JARID2: variants seen among roughly 807,000 people sequenced by gnomAD.
JARID2 encodes jumonji and AT-rich interaction domain containing 2.
Under a neutral mutation model 125.6 loss-of-function variants are expected in JARID2, and 21 were observed. The ratio of observed to expected loss-of-function variants is 0.17; its 90% CI spans 0.12 to 0.24. The LOEUF (loss-of-function observed/expected upper bound fraction) is 0.24. JARID2 is among the 10% of genes least tolerant of loss of function. JARID2 has a pLI of 1.00. For synonymous variants in JARID2, 736 were observed against 661.6 expected (o/e 1.11, Z -1.73); for missense variants, 1,303 against 1,639.6 (o/e 0.79, Z 3.55).
intron 2 of JARID2, among the ~76,000 whole-genome samples, chr6:15,375,511 TCTA>T (rs1764319525): frequency 6.6e-6 from 1 of 152,218 alleles, no homozygotes; most frequent in African/African-American, 2.4e-5. Context: ...AGTTGTGGAA[TCTA>T]TTGCCATAGA....
chr6:15,286,936 C>T (rs1310493872), intron 1 of JARID2, among the ~76,000 whole-genome samples: 2 of 150,178 alleles, frequency 1.3e-5, no homozygotes, highest in East Asian at 2.0e-4. Flanking sequence ...CTGCCTCTTT[C>T]CCATTGTCAG....
intron 1 of JARID2, among the ~76,000 whole-genome samples, chr6:15,313,533 G>C (rs534600748): frequency 6.6e-6 from 1 of 152,286 alleles, no homozygotes; most frequent in South Asian, 2.1e-4. Flanking sequence ...ACACTGAGCC[G>C]AGCCAGGGTT....
At chr6:15,344,037 G>A (rs1435960136) in intron 1 of JARID2, among the ~76,000 whole-genome samples, 2 of 149,878 alleles carry the variant, frequency 1.3e-5, no homozygotes, top group African/African-American at 4.9e-5. Flanking sequence ...ACAGGGCGTT[G>A]AATGCAAAAT....
In JARID2 at chr6:15,512,642, G is replaced by A. The variant is rs571959199; in HGVS notation, c.3135+252G>A. The stretch of plus-strand genomic sequence containing the variant: ...ACCCCTCCAGTATTGGAAAACTGTT[G>A]AAGATGCTCAAGGTAATTGCTTAGA... On this transcript the variant is annotated intron_variant, in intron 14 of 17. Transcript: ENST00000341776. Among the ~76,000 whole-genome samples, 16 of 152,252 alleles carry A rather than the reference G, an allele frequency of 1.1e-4. 1 individual carries two copies. The highest frequency in any genetic ancestry group is 3.4e-4 in the African/African-American group (14 of 41,556).
chr6:15,313,061 G>A (rs1235486950), intron 1 of JARID2, among the ~76,000 whole-genome samples: 1 of 152,200 alleles, frequency 6.6e-6, no homozygotes, highest in East Asian at 1.9e-4. Flanking sequence ...TTCCGTTTAT[G>A]TTGCTTGTTT....
chr6:15,483,108 A>C (rs1277239509), intron 5 of JARID2, among the ~76,000 whole-genome samples: 1 of 152,246 alleles, frequency 6.6e-6, no homozygotes, highest in Non-Finnish European at 1.5e-5. Flanking sequence ...AAAATCTAGT[A>C]ACTAAGTAAA....
chr6:15,304,308 C>G (rs1007018241), intron 1 of JARID2, among the ~76,000 whole-genome samples: 4 of 66,304 alleles, frequency 6.0e-5, no homozygotes, highest in African/African-American at 1.2e-4. Flanking sequence ...GCTGATCCCC[C>G]CCCCCCCCCC....
chr6:15,256,161 C>T (rs1240766850), intron 1 of JARID2, among the ~76,000 whole-genome samples: 1 of 152,214 alleles, frequency 6.6e-6, no homozygotes, highest in East Asian at 1.9e-4. Context: ...AATCACCAAC[C>T]TGGAGACATC....
At chr6:15,333,460 G>A (rs1053377459) in intron 1 of JARID2, among the ~76,000 whole-genome samples, 3 of 152,036 alleles carry the variant, frequency 2.0e-5, no homozygotes, top group Non-Finnish European at 4.4e-5. Flanking sequence ...ATGCTATGTG[G>A]CCATACGTGT....
chr6:15,447,873 T>C (rs1424981778), intron 3 of JARID2, among the ~76,000 whole-genome samples: 4 of 152,216 alleles, frequency 2.6e-5, no homozygotes, highest in African/African-American at 7.2e-5. Flanking sequence ...GGTGCAAATA[T>C]TGTGAGTTTT....
At chr6:15,273,332 T>C (rs1173953850) in intron 1 of JARID2, among the ~76,000 whole-genome samples, 1 of 152,214 alleles carries the variant, frequency 6.6e-6, no homozygotes, top group Non-Finnish European at 1.5e-5. Context: ...TTTCCAATTG[T>C]CCCTGCTATA....
At chr6:15,250,507 A>G (rs1021586187) in intron 1 of JARID2, among the ~76,000 whole-genome samples, 1 of 152,190 alleles carries the variant, frequency 6.6e-6, no homozygotes, top group African/African-American at 2.4e-5. Flanking sequence ...ACTTAGGTGC[A>G]GGGCAGTGGC....
intron 1 of JARID2, among the ~76,000 whole-genome samples, chr6:15,282,762 C>G (rs917460866): frequency 1.3e-5 from 2 of 151,956 alleles, no homozygotes. Context: ...CCACCATGCT[C>G]AGCTAATTTT....
At chr6:15,353,620 T>C (rs1003147501) in intron 1 of JARID2, among the ~76,000 whole-genome samples, 2 of 152,188 alleles carry the variant, frequency 1.3e-5, no homozygotes, top group Admixed American at 6.5e-5. Context: ...GCCTGTCACA[T>C]TAGAATGATC....
At chr6:15,485,698 A>C (rs1009035139) in intron 5 of JARID2, among the ~76,000 whole-genome samples, 1 of 152,274 alleles carries the variant, frequency 6.6e-6, no homozygotes, top group Non-Finnish European at 1.5e-5. Context: ...GCACGAAAGC[A>C]AGAAACAAAG....
intron 4 of JARID2, among the ~76,000 whole-genome samples, chr6:15,455,090 A>C (rs930363480): frequency 2.6e-5 from 4 of 151,514 alleles, no homozygotes; most frequent in African/African-American, 9.7e-5. Flanking sequence ...ATCTCTGTGG[A>C]GGCTGACACG....
chr6:15,352,905 A>C (rs569714183), intron 1 of JARID2, among the ~76,000 whole-genome samples: 1 of 152,310 alleles, frequency 6.6e-6, no homozygotes, highest in Admixed American at 6.5e-5. Flanking sequence ...TTATTGGTGA[A>C]CAATACTCTG....
rs75723308 is a variant in JARID2 at position 15,457,373 on chromosome 6, C to T, written c.493+5198C>T. On this transcript the variant is annotated intron_variant, in intron 4 of 17. Transcript: ENST00000341776. ...CTGCATCCTAATTCTGTTCTTTTTT[C>T]GTGCTGATTCCAAAGCAAACATAGC... is the stretch of plus-strand genomic sequence containing the variant. Among the ~76,000 whole-genome samples, 1,099 of 152,234 alleles carry T rather than the reference C, an allele frequency of 7.2e-3. 13 individuals are homozygous for T. The highest frequency in any genetic ancestry group is 0.025 in the African/African-American group (1,044 of 41,544).
At chr6:15,500,826 A>G in intron 7 of JARID2, 81 bp from the exon 8 acceptor site, 1 of 1,264,434 alleles carries the variant, frequency 7.9e-7, no homozygotes. Context: ...TAGGAGTTCA[A>G]GAAGTACAGG....
Sources: allele counts gnomAD v4.1 joint callset (sites outside exome capture counted in the v4.1 genomes callset), GRCh38; gene constraint gnomAD v4.1.1; transcripts MANE v1.5; gene names NCBI Gene and HGNC (gene_info 2026-07-23, HGNC 2026-07-21).